Variants in SP100 observed in about 807,000 individuals in gnomAD.
The protein encoded by SP100 is nuclear autoantigen Sp-100.
A neutral mutation model predicts 130.0 loss-of-function variants in SP100; 84 were observed. The observed-to-expected ratio is 0.65, with a 90% CI of 0.54 to 0.77. SP100 has a LOEUF of 0.77. Ranked by LOEUF, SP100 falls within the 30% of genes least tolerant of loss-of-function variation. The pLI is 0.00. For missense variants in SP100, 978 were observed against 1,052.2 expected (o/e 0.93, Z 0.97); for synonymous variants, 331 against 351.7 (o/e 0.94, Z 0.66).
intron 18 of SP100, among the ~76,000 whole-genome samples, chr2:230,495,194 T>G (rs2150047224): frequency 6.6e-6 from 1 of 152,240 alleles, no homozygotes; most frequent in South Asian, 2.1e-4. Context: ...GTTAGAAAGG[T>G]GTGTTGTAAC....
intron 17 of SP100, among the ~76,000 whole-genome samples, chr2:230,488,708 C>G (rs960257170): frequency 1.3e-5 from 2 of 152,044 alleles, no homozygotes; most frequent in East Asian, 3.8e-4. Flanking sequence ...CCACAGCGCC[C>G]GGCCAAGAGT....
chr2:230,435,573 T>G (rs1441325023), intron 2 of SP100, among the ~76,000 whole-genome samples: 1 of 152,212 alleles, frequency 6.6e-6, no homozygotes, highest in Non-Finnish European at 1.5e-5. Context: ...CAACTTTTAT[T>G]TAAGTTCGGG....
intron 17 of SP100, among the ~76,000 whole-genome samples, chr2:230,483,232 T>G (rs554775899): frequency 1.3e-5 from 2 of 152,312 alleles, no homozygotes; most frequent in South Asian, 4.1e-4. Flanking sequence ...AGGTGTACAG[T>G]GACAGAAATG....
rs1193506734 is a variant in SP100 at position 230,460,592 on chromosome 2, C to CTTTTT, written c.821-632_821-628dup. On this transcript the variant is annotated intron_variant, in intron 8 of 28. Transcript: ENST00000340126. ...TGTCTGGGGTATTGGTAATCTGTTT[C>CTTTTT]TTTTTTTTTTTTTTTTTTTTTTTTT... Among the ~76,000 whole-genome samples the CTTTTT allele has an allele frequency of 3.8e-3, 65 of 17,194 alleles. 13 individuals carry two copies. Among genetic ancestry groups the CTTTTT allele is most frequent in the East Asian group, 0.015 (10 of 676 alleles). 11.3% of individuals were successfully genotyped at this position (17,194 alleles called of 152,430 possible).
chr2:230,515,068 T>C (rs1414996789), intron 24 of SP100: 2 of 1,610,706 alleles, frequency 1.2e-6, no homozygotes, highest in East Asian at 2.2e-5. Flanking sequence ...AATGTTATCA[T>C]ATGCATTTTT....
chr2:230,517,764 C>CA (rs34404923), intron 24 of SP100, among the ~76,000 whole-genome samples: 108,054 of 144,296 alleles, frequency 0.75, 40,059 homozygotes, highest in South Asian at 0.77. Flanking sequence ...GACTCCATCT[C>CA]AAAAAAAAAA....
chr2:230,457,940 C>T (rs527708932), intron 8 of SP100, among the ~76,000 whole-genome samples: 1 of 152,330 alleles, frequency 6.6e-6, no homozygotes, highest in South Asian at 2.1e-4. Context: ...ACTTTGTTCA[C>T]AGCCTCTGGC....
intron 17 of SP100, among the ~76,000 whole-genome samples, chr2:230,487,006 C>T (rs2066137797): frequency 6.6e-6 from 1 of 152,090 alleles, no homozygotes; most frequent in African/African-American, 2.4e-5. Context: ...ATCCTTTGTC[C>T]ACTTTTTGAT....
intron 19 of SP100, among the ~76,000 whole-genome samples, chr2:230,500,181 T>C (rs556754067): frequency 6.6e-6 from 1 of 152,328 alleles, no homozygotes; most frequent in Non-Finnish European, 1.5e-5. Flanking sequence ...TTTCTGACCA[T>C]ATTATTATTT....
At chr2:230,481,068 T>A (rs2065813927) in intron 17 of SP100, among the ~76,000 whole-genome samples, 1 of 149,638 alleles carries the variant, frequency 6.7e-6, no homozygotes, top group Non-Finnish European at 1.5e-5. Flanking sequence ...TGTTGGTCCC[T>A]TCGTGGCTTC....
At chr2:230,528,511 A>G (rs1350909908) in intron 24 of SP100, among the ~76,000 whole-genome samples, 1 of 148,020 alleles carries the variant, frequency 6.8e-6, no homozygotes, top group Non-Finnish European at 1.5e-5. Context: ...CATCACAATT[A>G]AAAGAACTAG....
chr2:230,494,648 A>G (rs1575738916), intron 18 of SP100, among the ~76,000 whole-genome samples, 188 bp downstream of exon 18: 1 of 152,218 alleles, frequency 6.6e-6, no homozygotes, highest in East Asian at 1.9e-4. Context: ...CTTAAACCAA[A>G]TAATCTAAGA....
rs534874657 is a variant in SP100, at chr2:230,479,732, T to C, written c.1600+5285T>C. Among the ~76,000 whole-genome samples the C allele has an allele frequency of 6.6e-5, 10 of 152,328 alleles. No homozygotes were observed. In the East Asian group the frequency reaches 1.9e-3, roughly 29 times the overall value. Reference sequence around the variant, plus strand: ...AAGGCTTCAGCACAGATGCCAAGATTTTGAGAGATTTTGGCCAAGCCCATG... The same window carrying C: ...AAGGCTTCAGCACAGATGCCAAGATCTTGAGAGATTTTGGCCAAGCCCATG... On this transcript the variant is annotated intron_variant, in intron 17 of 28. Coordinates refer to ENST00000340126, the MANE Select transcript of SP100 (RefSeq NM_001080391.2).
intron 15 of SP100, among the ~76,000 whole-genome samples, chr2:230,471,406 G>T (rs115354575): frequency 6.6e-6 from 1 of 152,114 alleles, no homozygotes; most frequent in Non-Finnish European, 1.5e-5. Flanking sequence ...TGGTTTCCTC[G>T]TCACTGTCTA....
chr2:230,515,430 C>T lies in SP100; in HGVS notation c.2094+4264C>T, dbSNP rs186365701. 113 of 1,613,714 alleles carry T rather than the reference C, an allele frequency of 7.0e-5. 1 individual carries two copies. In the East Asian group the frequency reaches 2.2e-3, roughly 32 times the overall value. ...AACTGGCAGGGATGTGGAATAACAC[C>T]GCTGCAGCTGACAAGCAGTTTTATG... is the stretch of plus-strand genomic sequence containing the variant. On this transcript the variant is annotated intron_variant, in intron 24 of 28. Coordinates refer to ENST00000340126, the MANE Select transcript of SP100 (RefSeq NM_001080391.2).
chr2:230,473,294 A>G, intron 15 of SP100, 30 bp from the exon 16 acceptor site: 1 of 1,526,984 alleles, frequency 6.5e-7, no homozygotes, highest in Non-Finnish European at 9.1e-7. Context: ...GAGTGGGCAC[A>G]AATAAAAATG....
intron 2 of SP100, among the ~76,000 whole-genome samples, chr2:230,438,412 T>C (rs2149892060): frequency 6.6e-6 from 1 of 152,218 alleles, no homozygotes; most frequent in South Asian, 2.1e-4. Context: ...TGTATTCTTT[T>C]ATCTGTCACT....
chr2:230,542,597 A>T (rs1244151167), intron 28 of SP100, among the ~76,000 whole-genome samples: 1 of 152,254 alleles, frequency 6.6e-6, no homozygotes, highest in Non-Finnish European at 1.5e-5. Flanking sequence ...TAGAATTTTT[A>T]AAAGTTAAAT....
At chr2:230,419,705 G>C (rs1057061190) in intron 2 of SP100, among the ~76,000 whole-genome samples, 1 of 152,184 alleles carries the variant, frequency 6.6e-6, no homozygotes, top group African/African-American at 2.4e-5. Context: ...ATTAGATATT[G>C]TTATTCATCT....
Sources: allele counts gnomAD v4.1 joint callset (sites outside exome capture counted in the v4.1 genomes callset), GRCh38; gene constraint gnomAD v4.1.1; transcripts MANE v1.5; gene names NCBI Gene and HGNC (gene_info 2026-07-23, HGNC 2026-07-21).